Variants in IDO2 observed in about 807,000 individuals in gnomAD.
The protein encoded by IDO2 is indoleamine 2,3-dioxygenase-like 1 protein.
A neutral mutation model predicts 45.1 loss-of-function variants in IDO2; 46 were observed. The observed-to-expected ratio is 1.02, with a 90% confidence interval of 0.80 to 1.30. The LOEUF is 1.30. Ranked by LOEUF, IDO2 falls within the 50% of genes most tolerant of loss-of-function variation. The pLI, the probability that IDO2 is intolerant of heterozygous loss-of-function variation, is 0.00. For missense variants in IDO2, 544 were observed against 491.8 expected, an observed-to-expected ratio of 1.11 and a Z score of -1.00; for synonymous variants, 218 against 184.9, an observed-to-expected ratio of 1.18 and a Z score of -1.45.
Position 39,935,076 on chromosome 8 carries a change from TG to T in IDO2, c.-158del. 1.1e-6 allele frequency: 1 copy of T among 890,298 alleles called. No individual in the cohort carries two copies. The highest frequency in any genetic ancestry group is 1.9e-6 in the Non-Finnish European group (1 of 521,492). 55.1% of individuals were successfully genotyped at this position (890,298 alleles called of 1,614,324 possible). A position where few individuals can be genotyped will look rare whatever the true frequency, so the allele number is the denominator to read the frequency against. ...TTATAAATATTTTAAAGACAAGGATTGGATTAGATTTGACATTAGAAATGTA... is the reference window on the plus strand; with the variant it reads ...TTATAAATATTTTAAAGACAAGGATTGATTAGATTTGACATTAGAAATGTA... On this transcript the variant is annotated 5_prime_UTR_variant, in exon 1 of 11. An upstream open reading frame in the 5' UTR gains an earlier in-frame stop. Transcript: ENST00000502986.
chr8:39,935,594 C>T (rs867809418), intron 1 of IDO2, among the ~76,000 whole-genome samples: 3 of 152,060 alleles, frequency 2.0e-5, no homozygotes, highest in Non-Finnish European at 4.4e-5. Context: ...GGATTACAGG[C>T]GCTCACCACC....
At chr8:39,963,233 C>T (rs566810050) in intron 2 of IDO2, among the ~76,000 whole-genome samples, 15 of 152,310 alleles carry the variant, frequency 9.8e-5, no homozygotes, top group African/African-American at 3.6e-4. Context: ...AGTCACTTCC[C>T]CTCCAAAAAT....
intron 2 of IDO2, among the ~76,000 whole-genome samples, chr8:39,958,825 C>A (rs1585400643): frequency 1.0e-5 from 1 of 100,052 alleles, no homozygotes; most frequent in Non-Finnish European, 2.3e-5. Context: ...TATACTTAAT[C>A]TAATCAAGCA....
exon 10 of IDO2, chr8:40,013,623 C>T (rs1479777028): frequency 1.1e-5 from 17 of 1,613,726 alleles, no homozygotes; most frequent in Admixed American, 3.3e-5. Context: ...TTCCCAAGAG[C>T]CCCTGAAATA....
intron 3 of IDO2, among the ~76,000 whole-genome samples, chr8:39,973,097 GTAAA>G (rs1344575512): frequency 1.2e-4 from 19 of 152,128 alleles, no homozygotes; most frequent in African/African-American, 3.9e-4. Flanking sequence ...TGAACAATAA[GTAAA>G]TAGATGATGG....
In IDO2 at chr8:39,969,063, A is replaced by C. The variant is rs182108677; in HGVS notation, c.195+5360A>C. On this transcript the variant is annotated intron_variant, in intron 3 of 10. Transcript: ENST00000502986. ...GTAAATGAAACTTTACAGGATCACTATACTCTAATTGGTAAATCAGTTTTT... is the reference window on the plus strand; with the variant it reads ...GTAAATGAAACTTTACAGGATCACTCTACTCTAATTGGTAAATCAGTTTTT... Among the ~76,000 whole-genome samples the C allele has an allele frequency of 1.1e-3, 160 of 152,288 alleles. 1 individual carries two copies. Among genetic ancestry groups the C allele is most frequent in the Middle Eastern group, 3.4e-3 (1 of 294 alleles).
intron 3 of IDO2, among the ~76,000 whole-genome samples, chr8:39,977,243 A>G (rs1808271854): frequency 6.6e-6 from 1 of 152,226 alleles, no homozygotes; most frequent in South Asian, 2.1e-4. Context: ...TTGATGATAA[A>G]CAGGCAAAAA....
At chr8:40,005,179 T>C in intron 8 of IDO2, 148 bp from the exon 9 acceptor site, 1 of 482,136 alleles carries the variant, frequency 2.1e-6, no homozygotes, top group East Asian at 3.0e-5. Context: ...GAAGAGAACA[T>C]TCTATCCCCC....
chr8:40,005,614 T>C (rs576680052), intron 9 of IDO2, among the ~76,000 whole-genome samples: 7 of 152,326 alleles, frequency 4.6e-5, no homozygotes, highest in African/African-American at 1.4e-4. Context: ...TTATATTCAC[T>C]TTTCTTAGAA....
At chr8:39,998,998 T>C (rs1437836939) in intron 8 of IDO2, among the ~76,000 whole-genome samples, 1 of 152,058 alleles carries the variant, frequency 6.6e-6, no homozygotes, top group Non-Finnish European at 1.5e-5. Context: ...CTTCAGTACA[T>C]CCTTTAAGAC....
At chr8:39,993,477 G>A (rs1236622628) in intron 8 of IDO2, among the ~76,000 whole-genome samples, 1 of 152,134 alleles carries the variant, frequency 6.6e-6, no homozygotes, top group East Asian at 1.9e-4. Flanking sequence ...TTTAGTGTAT[G>A]CATTTAAATC....
At chr8:39,955,184 C>T (rs1312495434) in intron 2 of IDO2, among the ~76,000 whole-genome samples, 1 of 147,902 alleles carries the variant, frequency 6.8e-6, no homozygotes, top group Non-Finnish European at 1.5e-5. Flanking sequence ...TTCTGGCATG[C>T]TAGATGGACT....
At chr8:39,959,410 G>A (rs564902741) in intron 2 of IDO2, among the ~76,000 whole-genome samples, 6 of 45,056 alleles carry the variant, frequency 1.3e-4, no homozygotes, top group Non-Finnish European at 3.1e-4. Context: ...CACTGTGCCC[G>A]GCTGTTAATT....
rs1387546809 is a variant in IDO2 at position 39,969,811 on chromosome 8, G to T, written c.195+6108G>T. Among the ~76,000 whole-genome samples the T allele has an allele frequency of 3.3e-5, 5 of 151,738 alleles. No individual in the cohort carries two copies. In the East Asian group the frequency reaches 7.7e-4, roughly 23 times the overall value. ...AATCGTTTGAACCCTGGAAATGGAG[G>T]TTGCAGTGAGCCTAGATTGTGCGAT... On this transcript the variant is annotated intron_variant, in intron 3 of 10. Coordinates refer to ENST00000502986, the Ensembl canonical transcript of IDO2.
chr8:39,964,828 AT>A (rs1223212126), intron 3 of IDO2, among the ~76,000 whole-genome samples: 2 of 152,236 alleles, frequency 1.3e-5, no homozygotes, highest in Non-Finnish European at 2.9e-5. Context: ...AATTTAAAGG[AT>A]TTTTTTGAAC....
At chr8:39,983,272 C>T (rs1314549260) in intron 5 of IDO2, among the ~76,000 whole-genome samples, 3 of 152,176 alleles carry the variant, frequency 2.0e-5, no homozygotes, top group Non-Finnish European at 2.9e-5. Context: ...GGAATAGGGG[C>T]ATTTGTCTAC....
chr8:39,975,159 G>GTTTTTTTT (rs368341548), intron 3 of IDO2, among the ~76,000 whole-genome samples: 3 of 142,518 alleles, frequency 2.1e-5, no homozygotes, highest in Non-Finnish European at 3.0e-5. Flanking sequence ...CAACATTGGA[G>GTTTTTTTT]TTTTTTTTTT....
chr8:39,978,278 C>T lies in IDO2; in HGVS notation c.196-789C>T, dbSNP rs182674213. On this transcript the variant is annotated intron_variant, in intron 3 of 10. Coordinates refer to ENST00000502986, the Ensembl canonical transcript of IDO2. The stretch of plus-strand genomic sequence containing the variant: ...GCCCTCCTTTCTGGCGCTTCGGACC[C>T]GGGAGGGGACCACCCGGGAAGATCC... Among the ~76,000 whole-genome samples, 86 of 152,242 alleles carry T rather than the reference C, an allele frequency of 5.6e-4. 1 individual carries two copies. The highest frequency in any genetic ancestry group is 3.4e-3 in the Middle Eastern group (1 of 294).
chr8:39,989,962 C>A, intron 8 of IDO2, 124 bp downstream of exon 8: 1 of 604,054 alleles, frequency 1.7e-6, no homozygotes, highest in Non-Finnish European at 2.9e-6. Context: ...CCAGATGACG[C>A]TGGTGGACTA....
Sources: allele counts gnomAD v4.1 joint callset (sites outside exome capture counted in the v4.1 genomes callset), GRCh38; gene constraint gnomAD v4.1.1; transcripts MANE v1.5; gene names NCBI Gene and HGNC (gene_info 2026-07-23, HGNC 2026-07-21).